Variants in ITPR1 observed in about 807,000 individuals in gnomAD.
ITPR1 encodes the protein inositol 1,4,5-trisphosphate receptor type 1.
ITPR1 carries 96 observed loss-of-function variants against 318.4 expected under a neutral mutation model. The observed-to-expected ratio is 0.30, with a 90% confidence interval of 0.26 to 0.36. ITPR1 has a LOEUF of 0.36. Among genes scored for constraint, ITPR1 ranks in the 10% least tolerant of loss-of-function variants. The pLI is 1.00. For missense variants in ITPR1, 2,440 were observed against 3,460.2 expected, an observed-to-expected ratio of 0.71 and a Z score of 7.40; for synonymous variants, 1,312 against 1,289.9, an observed-to-expected ratio of 1.02 and a Z score of -0.37.
chr3:4,700,580 G>T (rs2094632003), intron 35 of ITPR1, among the ~76,000 whole-genome samples: 1 of 152,186 alleles, frequency 6.6e-6, no homozygotes, highest in African/African-American at 2.4e-5. Context: ...ACAAGATCAG[G>T]AGTTTTCATG....
intron 5 of ITPR1, among the ~76,000 whole-genome samples, chr3:4,636,742 T>G (rs577428758): frequency 6.6e-6 from 1 of 152,284 alleles, no homozygotes; most frequent in Non-Finnish European, 1.5e-5. Context: ...AGTATCTTTC[T>G]TTTAAGAGAA....
At chr3:4,840,005 T>C (rs11711554) in intron 61 of ITPR1, among the ~76,000 whole-genome samples, 69,067 of 145,586 alleles carry the variant, frequency 0.47, 17,116 homozygotes, top group East Asian at 0.6. Context: ...TACTCAGAAT[T>C]ACAGGAAAAA....
At chr3:4,711,213 A>G in intron 38 of ITPR1, among the ~76,000 whole-genome samples, 1 of 138,006 alleles carries the variant, frequency 7.2e-6, no homozygotes, top group African/African-American at 3.2e-5. Context: ...CTTGTCTCAA[A>G]AAAAAAAAAA....
chr3:4,536,957 G>T (rs1345973953), intron 4 of ITPR1, among the ~76,000 whole-genome samples: 1 of 113,720 alleles, frequency 8.8e-6, no homozygotes, highest in Non-Finnish European at 1.7e-5. Context: ...GGATTTTTTG[G>T]GGTCAATCCC....
intron 44 of ITPR1, among the ~76,000 whole-genome samples, chr3:4,736,637 C>T (rs893339810): frequency 2.6e-5 from 4 of 152,224 alleles, no homozygotes; most frequent in East Asian, 1.9e-4. Flanking sequence ...TAAGTTGTCA[C>T]GTGGGCACGA....
At position 4,779,658 on chromosome 3, in the gene ITPR1, A is replaced by G. The variant is rs768046785; in HGVS notation, c.6387+13A>G. ...GCCCAAGGAACTGGTGAGTCGGGTG[A>G]CGGATCTGATGGTAGCACCAAGGAG... On this transcript the variant is annotated intron_variant, in intron 49 of 61. Transcript: ENST00000649015. The surrounding 1 kb of genome is among the most constrained non-coding windows in gnomAD (Gnocchi z 4.0). 6.4e-7 allele frequency: 1 copy of G among 1,570,366 alleles called. No homozygotes were observed. Among genetic ancestry groups the G allele is most frequent in the Non-Finnish European group, 8.8e-7 (1 of 1,141,190 alleles).
chr3:4,566,568 G>T (rs1207468999), intron 4 of ITPR1, among the ~76,000 whole-genome samples: 1 of 149,734 alleles, frequency 6.7e-6, no homozygotes, highest in African/African-American at 2.5e-5. Flanking sequence ...AAATAGCCAG[G>T]ACTATTTGGC....
intron 10 of ITPR1, among the ~76,000 whole-genome samples, chr3:4,650,387 G>A (rs2093565789): frequency 6.6e-6 from 1 of 152,030 alleles, no homozygotes; most frequent in South Asian, 2.1e-4. Flanking sequence ...TCATTTTGAA[G>A]GACTTTTTGT....
At chr3:4,657,760 C>T (rs576909038) in intron 12 of ITPR1, among the ~76,000 whole-genome samples, 6 of 152,226 alleles carry the variant, frequency 3.9e-5, no homozygotes, top group African/African-American at 1.4e-4. Flanking sequence ...CCACTGCAGC[C>T]AGCCTGGGCT....
chr3:4,523,207 C>T (rs1396177504), intron 4 of ITPR1, among the ~76,000 whole-genome samples: 3 of 152,110 alleles, frequency 2.0e-5, no homozygotes, highest in Non-Finnish European at 2.9e-5. Flanking sequence ...GTTCTATATA[C>T]GGGCCTTGGG....
intron 44 of ITPR1, among the ~76,000 whole-genome samples, chr3:4,761,688 T>C (rs973208380): frequency 1.3e-5 from 2 of 152,100 alleles, no homozygotes; most frequent in East Asian, 1.9e-4. Context: ...GAGTGATGAA[T>C]TGAAAGAGGT....
intron 43 of ITPR1, 86 bp from the exon 44 acceptor site, chr3:4,735,078 G>T (rs1008000958): frequency 5.1e-6 from 5 of 983,468 alleles, no homozygotes; most frequent in Non-Finnish European, 7.8e-6. Flanking sequence ...AGCATTTAGT[G>T]CATAAAGTGT....
intron 41 of ITPR1, 30 bp downstream of exon 41, chr3:4,725,611 A>G: frequency 1.3e-6 from 2 of 1,586,032 alleles, no homozygotes; most frequent in South Asian, 1.1e-5. Context: ...TTGTAGCGCC[A>G]GCGCCAGCAA....
chr3:4,740,803 G>A lies in ITPR1; in HGVS notation c.5544+5449G>A, dbSNP rs115197263. Reference sequence around the variant, plus strand: ...GAACAAGGAGACAGTACCACAGCCCGTGGATTTTCCAGAAACGGGTGACAC... The same window carrying A: ...GAACAAGGAGACAGTACCACAGCCCATGGATTTTCCAGAAACGGGTGACAC... On this transcript the variant is annotated intron_variant, in intron 44 of 61. Transcript: ENST00000649015. Among the ~76,000 whole-genome samples the A allele has an allele frequency of 1.7e-3, 258 of 152,268 alleles. 1 individual carries two copies. Among genetic ancestry groups the A allele is most frequent in the African/African-American group, 5.8e-3 (243 of 41,550 alleles).
intron 4 of ITPR1, among the ~76,000 whole-genome samples, chr3:4,542,959 A>AT (rs2084609797): frequency 6.6e-6 from 1 of 152,158 alleles, no homozygotes; most frequent in Admixed American, 6.5e-5. Flanking sequence ...CTGTGTATTA[A>AT]TTGATACTGT....
chr3:4,833,830 G>A (rs1448645796), intron 60 of ITPR1, among the ~76,000 whole-genome samples: 1 of 152,096 alleles, frequency 6.6e-6, no homozygotes, highest in African/African-American at 2.4e-5. Flanking sequence ...CTGGTTGTTG[G>A]GTCTTACTTG....
intron 4 of ITPR1, among the ~76,000 whole-genome samples, chr3:4,613,550 A>C (rs1393516157): frequency 1.3e-5 from 2 of 152,126 alleles, no homozygotes; most frequent in African/African-American, 4.8e-5. Flanking sequence ...TGGGTGACGC[A>C]AATACCAAGG....
rs370466362 is a variant in ITPR1, at chr3:4,641,120, TG to T, written c.367-971del. Among the ~76,000 whole-genome samples the T allele has an allele frequency of 1.8e-4, 28 of 152,344 alleles. 1 individual carries two copies. The highest frequency in any genetic ancestry group is 6.5e-4 in the African/African-American group (27 of 41,592). On this transcript the variant is annotated intron_variant, in intron 6 of 61. Transcript: ENST00000649015. ...CGCAATTAGCAATGGAGTCTTTTGC[TG>T]GTTGTACCATTTCTCAAGGGATTGG...
At position 4,615,470 on chromosome 3, in the gene ITPR1, G is replaced by A. The variant is rs868522043; in HGVS notation, c.164-12293G>A. Reference sequence around the variant, plus strand: ...CGTCTCACTGCAACCCCTGCCTCCCGGGTTCAAGTGATTCTCCTGCCTCAG... The same window carrying A: ...CGTCTCACTGCAACCCCTGCCTCCCAGGTTCAAGTGATTCTCCTGCCTCAG... On this transcript the variant is annotated intron_variant, in intron 4 of 61. Coordinates refer to ENST00000649015, the MANE Select transcript of ITPR1 (RefSeq NM_001378452.1). Among the ~76,000 whole-genome samples the A allele has an allele frequency of 3.3e-5, 5 of 149,956 alleles. No homozygotes were observed. In the South Asian group the frequency reaches 6.3e-4, roughly 19 times the overall value.
Sources: allele counts gnomAD v4.1 joint callset (sites outside exome capture counted in the v4.1 genomes callset), GRCh38; gene constraint gnomAD v4.1.1; non-coding constraint Gnocchi (gnomAD v3.1); transcripts MANE v1.5; gene names NCBI Gene and HGNC (gene_info 2026-07-23, HGNC 2026-07-21).